Variants in NLRP1 observed in about 807,000 individuals in gnomAD.
The protein encoded by NLRP1 is NACHT, LRR and PYD domains-containing protein 1.
Under a neutral mutation model 136.7 loss-of-function variants are expected in NLRP1, and 94 were observed. That is an observed-to-expected ratio of 0.69 (90% CI 0.58 to 0.82). NLRP1 has a LOEUF of 0.82. Among genes scored for constraint, NLRP1 ranks in the 40% least tolerant of loss-of-function variants. The pLI is 0.00. For missense variants in NLRP1, 1,575 were observed against 1,802.7 expected (o/e 0.87, Z 2.29); for synonymous variants, 690 against 725.1 (o/e 0.95, Z 0.78).
chr17:5,558,974 C>T lies in NLRP1; in HGVS notation c.1722G>A (p.Leu574=), dbSNP rs778689161. The T allele has an allele frequency of 1.2e-6, 2 of 1,614,102 alleles. No individual in the cohort carries two copies. The highest frequency in any genetic ancestry group is 1.7e-5 in the Admixed American group (1 of 60,030). ...TTTTTTGCCAGATGCCCTCAGCAGC[C>T]AGAGAGCAGAGGTCTCTGAGCTGGG... ...LGPQLRDLCS[L]AAEGIWQKKT... Residue 574 remains leucine, a synonymous_variant, in exon 4 of 17, where the codon CTG becomes CTA. Transcript: ENST00000572272.
At chr17:5,512,429 A>G (rs956661986), downstream of NLRP1, 2 of 843,136 alleles carry the variant, frequency 2.4e-6, no homozygotes, top group African/African-American at 3.2e-5. Context: ...GCGGCAGGGC[A>G]ATCCGCAATT....
downstream of NLRP1, among the ~76,000 whole-genome samples, chr17:5,513,546 A>G (rs1907769430): frequency 6.6e-6 from 1 of 152,232 alleles, no homozygotes; most frequent in Non-Finnish European, 1.5e-5. Context: ...TAATTAGTCC[A>G]GTGTTCCAGC....
In NLRP1 at chr17:5,539,613, G is replaced by A. The variant is rs149266935; in HGVS notation, c.2700-28C>T. ...GCAGGAAAGATACACGCCAGCCCAG[G>A]TCATTGTCCTAAGGGCTCGCTCTTC... On this transcript the variant is annotated intron_variant, in intron 6 of 16. Transcript: ENST00000572272. 2.6e-4 allele frequency: 405 copies of A among 1,577,230 alleles called. No individual in the cohort carries two copies. The African/African-American group carries it at 4.8e-3, about 19-fold the overall frequency.
chr17:5,559,907 G>C lies in NLRP1; in HGVS notation c.789C>G (p.Leu263=). ...CATTTTTCCAGGGCCATGTGGAACA[G>C]AGGCTCTCTCTCACAGAAGGCTCCC... ...HPWEPSVRES[L]CSTWPWKNED... Residue 263 remains leucine, a synonymous_variant, in exon 4 of 17, where the codon CTC becomes CTG. Transcript: ENST00000572272. 3.1e-6 allele frequency: 5 copies of C among 1,614,226 alleles called. No individual in the cohort carries two copies. Among genetic ancestry groups the C allele is most frequent in the South Asian group, 1.1e-5 (1 of 91,090 alleles).
chr17:5,562,577 A>C (rs574811569), intron 3 of NLRP1, among the ~76,000 whole-genome samples: 75 of 152,324 alleles, frequency 4.9e-4, no homozygotes, highest in Admixed American at 2.5e-3. Flanking sequence ...CACACAGAAC[A>C]CTACTGCCAA....
In NLRP1 at chr17:5,521,017, A is replaced by C; in HGVS notation, c.3784-5T>G. 6.3e-7 allele frequency: 1 copy of C among 1,599,930 alleles called. No individual in the cohort carries two copies. Among genetic ancestry groups the C allele is most frequent in the South Asian group, 1.1e-5 (1 of 88,610 alleles). On this transcript the variant is annotated splice_region_variant and splice_polypyrimidine_tract_variant and intron_variant, in intron 13 of 16. Transcript: ENST00000572272. ...CATTTCTAGATCATCTATGGCCTAC[A>C]GAACATAGGGAACAATGATTAAGGG...
chr17:5,580,182 T>C (rs1245276723), intron 3 of NLRP1, among the ~76,000 whole-genome samples: 1 of 151,534 alleles, frequency 6.6e-6, no homozygotes, highest in African/African-American at 2.4e-5. Context: ...TTGCAGTGAG[T>C]GGAGATCACG....
chr17:5,531,798 T>C (rs1910306062), intron 11 of NLRP1, among the ~76,000 whole-genome samples: 1 of 152,216 alleles, frequency 6.6e-6, no homozygotes, highest in Non-Finnish European at 1.5e-5. Context: ...GGCTGCCATA[T>C]TCATCTTAGG....
intron 12 of NLRP1, among the ~76,000 whole-genome samples, chr17:5,529,201 G>C (rs1266305458): frequency 6.6e-6 from 1 of 151,922 alleles, no homozygotes; most frequent in South Asian, 2.1e-4. Flanking sequence ...CAGTTTTGGG[G>C]ATTCTCATTC....
At chr17:5,511,460 G>A (rs776480701), downstream of NLRP1, among the ~76,000 whole-genome samples, 21 of 139,594 alleles carry the variant, frequency 1.5e-4, no homozygotes, top group Admixed American at 2.8e-4. Context: ...AAGAGAATCT[G>A]GATCCAAAGC....
chr17:5,567,596 G>T (rs1915471397), intron 3 of NLRP1, among the ~76,000 whole-genome samples: 1 of 151,952 alleles, frequency 6.6e-6, no homozygotes, highest in Admixed American at 6.6e-5. Context: ...GGTAAGAGAG[G>T]TTATACACCA....
intron 3 of NLRP1, among the ~76,000 whole-genome samples, chr17:5,563,831 C>T (rs1002424325): frequency 1.4e-4 from 21 of 152,250 alleles, no homozygotes; most frequent in Admixed American, 3.9e-4. Context: ...CTCAGATTCC[C>T]CAAGTCCTCA....
downstream of NLRP1, among the ~76,000 whole-genome samples, chr17:5,513,639 G>T (rs1907775162): frequency 3.3e-5 from 5 of 152,278 alleles, no homozygotes; most frequent in Admixed American, 2.6e-4. Context: ...GAGCAGGTAG[G>T]GATGATGGCC....
intron 5 of NLRP1, among the ~76,000 whole-genome samples, chr17:5,542,890 C>G (rs547066656): frequency 6.6e-6 from 1 of 151,938 alleles, no homozygotes; most frequent in African/African-American, 2.4e-5. Flanking sequence ...AGTGCAGTGG[C>G]GTGATCTCGG....
rs1911877506 is a variant in NLRP1, at chr17:5,541,639, G to A, written c.2699+218C>T. 6.6e-6 allele frequency among the ~76,000 whole-genome samples: 1 copy of A among 152,072 alleles called. No individual in the cohort carries two copies. The highest frequency in any genetic ancestry group is 2.4e-5 in the African/African-American group (1 of 41,420). On this transcript the variant is annotated intron_variant, in intron 6 of 16. Coordinates refer to ENST00000572272, the MANE Select transcript of NLRP1 (RefSeq NM_033004.4). This position sits in a 1 kb window ranked among gnomAD's most constrained non-coding sequence, Gnocchi z 4.2. ...ACCTTGCATTCACGTCCCTTGACTC[G>A]ACTTGGCTTCTCTTGCTGTATTTGG... is the stretch of plus-strand genomic sequence containing the variant.
intron 5 of NLRP1, among the ~76,000 whole-genome samples, chr17:5,544,346 C>T (rs1460148807): frequency 1.3e-5 from 2 of 152,174 alleles, no homozygotes; most frequent in South Asian, 2.1e-4. Flanking sequence ...AAATCTCCCC[C>T]ACCACTGATC....
chr17:5,505,851 T>C (rs1266978232), intron 15 of NLRP1: 3 of 152,354 alleles, frequency 2.0e-5, no homozygotes, highest in Non-Finnish European at 2.9e-5. Context: ...AGCTCACCAC[T>C]CTGGACATTT....
chr17:5,521,888 A>AATC (rs1908956390), intron 12 of NLRP1, 102 bp from the exon 13 acceptor site: 1 of 1,197,184 alleles, frequency 8.4e-7, no homozygotes, highest in African/African-American at 1.5e-5. Flanking sequence ...GCAATGGTAC[A>AATC]ATCTCGGCTC....
chr17:5,572,241 T>G (rs894491723), intron 3 of NLRP1, among the ~76,000 whole-genome samples: 14 of 151,980 alleles, frequency 9.2e-5, no homozygotes, highest in African/African-American at 3.1e-4. Context: ...AAACAAAAAT[T>G]GACAAATGGG....
Sources: gnomAD v4.1 joint callset for allele counts (sites outside exome capture counted in the v4.1 genomes callset) on GRCh38, gnomAD v4.1.1 for gene constraint, Gnocchi (gnomAD v3.1) non-coding constraint, MANE v1.5 for transcripts, NCBI Gene and HGNC (gene_info 2026-07-23, HGNC 2026-07-21) for gene names.